Variants in SKIC8 observed in about 807,000 individuals in gnomAD.
SKIC8 encodes SKI8 subunit of superkiller complex, also known as superkiller complex protein 8.
At chr15:78,286,259 G>A in the SKIC8 span, 1 of 720,886 alleles carries the variant, frequency 1.4e-6, no homozygotes, top group South Asian at 2.3e-5. Flanking sequence ...TAATGACCAT[G>A]AATACTATAT....
the SKIC8 span, chr15:78,285,930 G>A: frequency 1.2e-6 from 1 of 860,578 alleles, no homozygotes; most frequent in Non-Finnish European, 1.7e-6. Context: ...AGAAAAGAAA[G>A]GCTAACTGAA....
the SKIC8 span, chr15:78,283,731 A>C: frequency 2.8e-4 from 15 of 54,138 alleles, no homozygotes; most frequent in South Asian, 2.1e-3. Context: ...CCCATACTCC[A>C]AAAAAAAAAA....
At chr15:78,288,189 A>G in the SKIC8 span, 2 of 1,265,282 alleles carry the variant, frequency 1.6e-6, no homozygotes, top group South Asian at 2.7e-5. Context: ...ATGTGACTTG[A>G]GCACAGGTCT....
the SKIC8 span, chr15:78,288,465 A>G: frequency 2.3e-6 from 3 of 1,327,344 alleles, no homozygotes; most frequent in South Asian, 2.5e-5. Flanking sequence ...CCTTTTAATG[A>G]TTATGAGCCA....
At chr15:78,291,509 C>A in the SKIC8 span, among the ~76,000 whole-genome samples, 2 of 152,078 alleles carry the variant, frequency 1.3e-5, no homozygotes, top group African/African-American at 4.8e-5. Flanking sequence ...ACATATCCCA[C>A]CCCACGTACT....
the SKIC8 span, chr15:78,285,304 C>G: frequency 6.2e-7 from 1 of 1,614,112 alleles, no homozygotes; most frequent in African/African-American, 1.3e-5. Context: ...AGTCCTCGTT[C>G]CAACATCCCA....
At chr15:78,296,677 A>AT in the SKIC8 span, among the ~76,000 whole-genome samples, 1 of 151,914 alleles carries the variant, frequency 6.6e-6, no homozygotes, top group Non-Finnish European at 1.5e-5. Flanking sequence ...GGATATTTTA[A>AT]TTTTTTGTAG....
At chr15:78,285,295 G>A in the SKIC8 span, 1 of 1,614,228 alleles carries the variant, frequency 6.2e-7, no homozygotes, top group East Asian at 2.2e-5. Flanking sequence ...GTGAACACAA[G>A]TCCTCGTTCC....
the SKIC8 span, among the ~76,000 whole-genome samples, chr15:78,298,142 A>G: frequency 6.6e-6 from 1 of 152,186 alleles, no homozygotes; most frequent in South Asian, 2.1e-4. Flanking sequence ...AATGGTATTC[A>G]ACCTCTGCTT....
At chr15:78,285,394 A>C in the SKIC8 span, 1 of 1,524,104 alleles carries the variant, frequency 6.6e-7, no homozygotes, top group Non-Finnish European at 9.1e-7. Flanking sequence ...ACTTCGACCA[A>C]AAATCCTTTG....
At chr15:78,285,796 C>T in the SKIC8 span, 2 of 462,542 alleles carry the variant, frequency 4.3e-6, no homozygotes, top group Admixed American at 7.6e-5. Context: ...CTTAGAGTCA[C>T]TTTGGTAGAA....
chr15:78,288,243 C>A, the SKIC8 span: 3 of 1,596,860 alleles, frequency 1.9e-6, no homozygotes, highest in East Asian at 6.7e-5. Flanking sequence ...AATAAAGGGA[C>A]AAGATGGGCA....
At chr15:78,295,922 G>A in the SKIC8 span, 47,191 of 440,058 alleles carry the variant, frequency 0.11, 2,621 homozygotes, top group Middle Eastern at 0.14. Context: ...CTGAACCTAG[G>A]GACTCAACTA....
At chr15:78,290,380 T>C in the SKIC8 span, 20 of 326,774 alleles carry the variant, frequency 6.1e-5, no homozygotes, top group Non-Finnish European at 6.1e-5. Context: ...ACAGCCACTT[T>C]GAAAACCAGT....
chr15:78,295,565 G>T, the SKIC8 span: 3 of 1,479,888 alleles, frequency 2.0e-6, no homozygotes, highest in Non-Finnish European at 2.8e-6. Flanking sequence ...CTCTTTAGGA[G>T]CCAGGCAAGA....
chr15:78,298,032 C>A, the SKIC8 span, among the ~76,000 whole-genome samples: 17 of 152,280 alleles, frequency 1.1e-4, no homozygotes, highest in African/African-American at 3.9e-4. Flanking sequence ...GGATTACAGA[C>A]AGGTTGGTAG....
the SKIC8 span, chr15:78,290,488 G>C: frequency 6.2e-6 from 1 of 160,868 alleles, no homozygotes; most frequent in East Asian, 1.8e-4. Flanking sequence ...GTACACTCAT[G>C]GTCTTCGCTT....
chr15:78,295,776 G>A, the SKIC8 span: 2 of 1,443,830 alleles, frequency 1.4e-6, no homozygotes, highest in South Asian at 1.5e-5. Flanking sequence ...CAGGATAGAA[G>A]GCACACAGGA....
the SKIC8 span, among the ~76,000 whole-genome samples, chr15:78,297,042 T>C: frequency 1.3e-5 from 2 of 152,218 alleles, no homozygotes; most frequent in Non-Finnish European, 2.9e-5. Flanking sequence ...TGAATATACA[T>C]TAGTAATTCA....
Sources: allele counts gnomAD v4.1 joint callset (sites outside exome capture counted in the v4.1 genomes callset), GRCh38; gene constraint gnomAD v4.1.1; transcripts MANE v1.5; gene names NCBI Gene and HGNC (gene_info 2026-07-23, HGNC 2026-07-21).